The following KLC1 variants were observed in gnomAD, a reference collection of about 807,000 sequenced individuals.
The protein encoded by KLC1 is kinesin light chain 1.
Under a neutral mutation model 84.2 loss-of-function variants are expected in KLC1, and 30 were observed. The ratio of observed to expected loss-of-function variants is 0.36; its 90% CI spans 0.27 to 0.48. KLC1 has a LOEUF of 0.48. Ranked by LOEUF, KLC1 falls within the 20% of genes least tolerant of loss-of-function variation. The pLI, the probability that KLC1 is intolerant of heterozygous loss-of-function variation, is 0.99. For synonymous variants in KLC1, 289 were observed against 293.3 expected, an observed-to-expected ratio of 0.99 and a Z score of 0.15; for missense variants, 499 against 805.4, an observed-to-expected ratio of 0.62 and a Z score of 4.60.
chr14:103,687,014 C>T (rs545017166), intron 13 of KLC1, 67 bp from the exon 14 acceptor site: 54 of 1,368,886 alleles, frequency 3.9e-5, no homozygotes, highest in East Asian at 1.4e-4. Context: ...TATTTGCACC[C>T]GGTGTGGCTC....
At chr14:103,689,773 A>G (rs2081982717) in intron 14 of KLC1, among the ~76,000 whole-genome samples, 1 of 152,232 alleles carries the variant, frequency 6.6e-6, no homozygotes, top group South Asian at 2.1e-4. Context: ...TTTGAATGCC[A>G]CGTGTTCAAA....
At chr14:103,679,141 A>C (rs1174001376) in intron 12 of KLC1, among the ~76,000 whole-genome samples, 5 of 152,274 alleles carry the variant, frequency 3.3e-5, no homozygotes, top group Middle Eastern at 3.4e-3. Context: ...GACCCAGAAT[A>C]GTTGAACACG....
chr14:103,636,846 TG>T (rs2077082263), intron 1 of KLC1, among the ~76,000 whole-genome samples: 1 of 151,822 alleles, frequency 6.6e-6, no homozygotes, highest in Non-Finnish European at 1.5e-5. Context: ...CCTCAGCCTC[TG>T]GAGTAGCTGG....
At chr14:103,700,574 T>C in intron 15 of KLC1, 81 bp from the exon 16 acceptor site, 3 of 1,136,204 alleles carry the variant, frequency 2.6e-6, no homozygotes, top group Non-Finnish European at 2.6e-6. Context: ...AGCCACACGC[T>C]GGTGTCACGC....
chr14:103,701,305 C>A lies in KLC1; in HGVS notation c.*106C>A. Reference sequence around the variant, plus strand: ...GAGGGCCCCTGGCCGGGAGCCGCAGCGCTCACTCATTTCTCCTGCGTCTGT... The same window carrying A: ...GAGGGCCCCTGGCCGGGAGCCGCAGAGCTCACTCATTTCTCCTGCGTCTGT... On this transcript the variant is annotated 3_prime_UTR_variant, in exon 17 of 17. Coordinates refer to ENST00000334553, the MANE Select transcript of KLC1 (RefSeq NM_001394837.1). 8.1e-7 allele frequency: 1 copy of A among 1,231,954 alleles called. No individual in the cohort carries two copies. The highest frequency in any genetic ancestry group is 1.1e-6 in the Non-Finnish European group (1 of 872,270). 76.3% of individuals were successfully genotyped at this position (1,231,954 alleles called of 1,614,324 possible).
chr14:103,683,747 C>T (rs1242765334), intron 13 of KLC1: 3 of 152,278 alleles, frequency 2.0e-5, no homozygotes, highest in African/African-American at 7.2e-5. Context: ...CTGAAGCAGC[C>T]TCTCTCCGTC....
intron 15 of KLC1, chr14:103,696,093 C>CGGGGGCG: frequency 7.7e-6 from 1 of 129,320 alleles, no homozygotes; most frequent in Non-Finnish European, 9.2e-6. Flanking sequence ...AATCACTGCG[C>CGGGGGCG]CCCCGCCCCC....
At chr14:103,638,838 G>C (rs910985952) in intron 1 of KLC1, among the ~76,000 whole-genome samples, 1 of 151,854 alleles carries the variant, frequency 6.6e-6, no homozygotes, top group African/African-American at 2.4e-5. Context: ...ATGAACATAG[G>C]GGTGTGTGTG....
chr14:103,639,192 T>G (rs552785906), intron 1 of KLC1, among the ~76,000 whole-genome samples: 12 of 152,314 alleles, frequency 7.9e-5, no homozygotes, highest in African/African-American at 2.4e-4. Flanking sequence ...AGATGGAGTC[T>G]TGCTCTGTTG....
chr14:103,679,491 CGA>C lies in KLC1; in HGVS notation c.1600_1601del (p.Ser534TrpfsTer3). Reference sequence around the variant, plus strand: ...GCCTCAACGTGGACGTGGTCAAGTACGAGAGTGGCCCTGACGGAGGGGAGGAA... The same window carrying C: ...GCCTCAACGTGGACGTGGTCAAGTACGAGTGGCCCTGACGGAGGGGAGGAA... ...ESLNVDVVKYESGPDGGEEVS... is the reference protein window; with the variant it reads ...ESLNVDVVKYXSGPDGGEEVS... On this transcript the variant is annotated frameshift_variant, in exon 13 of 17. Coordinates refer to ENST00000334553, the MANE Select transcript of KLC1 (RefSeq NM_001394837.1). LOFTEE classifies it high-confidence loss of function. 6.2e-7 allele frequency: 1 copy of C among 1,613,992 alleles called. No individual in the cohort carries two copies.
In KLC1 at chr14:103,698,576, G is replaced by A. The variant is rs2082775268; in HGVS notation, c.1849-2079G>A. Reference sequence around the variant, plus strand: ...TGGGGACCAGGTACCCAGCAAGCGGGCCTGTCCCCAGACCCAGGGAGAGGC... The same window carrying A: ...TGGGGACCAGGTACCCAGCAAGCGGACCTGTCCCCAGACCCAGGGAGAGGC... On this transcript the variant is annotated intron_variant, in intron 15 of 16. Coordinates refer to ENST00000334553, the MANE Select transcript of KLC1 (RefSeq NM_001394837.1). 21 of 590,176 alleles carry A rather than the reference G, an allele frequency of 3.6e-5. 1 individual carries two copies. The South Asian group carries it at 4.1e-4, about 12-fold the overall frequency. The allele number at this position is 590,176 out of a possible 1,614,324, so 36.6% of individuals were successfully genotyped here.
intron 5 of KLC1, among the ~76,000 whole-genome samples, chr14:103,664,557 T>C (rs566692799): frequency 6.6e-6 from 1 of 152,092 alleles, no homozygotes; most frequent in Non-Finnish European, 1.5e-5. Context: ...TTTTTTGAGA[T>C]AGGGTCTTGC....
chr14:103,677,528 GT>G lies in KLC1; in HGVS notation c.1488+6del, dbSNP rs769062181. ...GCTATGAGGTCTCGTAAACAGGTTA[GT>G]CATACTTCTGTCCTTAACCGGCCCA... On this transcript the variant is annotated splice_donor_region_variant and intron_variant, in intron 12 of 16. Coordinates refer to ENST00000334553, the MANE Select transcript of KLC1 (RefSeq NM_001394837.1). 9.1e-5 allele frequency: 145 copies of G among 1,585,280 alleles called. No homozygotes were observed. The highest frequency in any genetic ancestry group is 1.1e-4 in the Non-Finnish European group (132 of 1,154,226).
At chr14:103,631,881 G>C (rs1015068553) in intron 1 of KLC1, among the ~76,000 whole-genome samples, 1 of 152,126 alleles carries the variant, frequency 6.6e-6, no homozygotes, top group African/African-American at 2.4e-5. Context: ...TTACAGGTGT[G>C]AGCCATTGCA....
At chr14:103,656,312 C>T (rs528820816) in intron 2 of KLC1, among the ~76,000 whole-genome samples, 4 of 152,294 alleles carry the variant, frequency 2.6e-5, no homozygotes, top group Non-Finnish European at 4.4e-5. Context: ...GGGTGATGGT[C>T]TCTGCAATCC....
At position 103,673,328 on chromosome 14, in the gene KLC1, TA is replaced by T; in HGVS notation, c.1162-2del. 1 of 1,576,500 alleles carries T rather than the reference TA, an allele frequency of 6.3e-7. No homozygotes were observed. Among genetic ancestry groups the T allele is most frequent in the Admixed American group, 1.9e-5 (1 of 51,368 alleles). The stretch of plus-strand genomic sequence containing the variant: ...TGAAATATTTTATTTTATTTTATTT[TA>T]AGGCATCCTGCTATTTGAAACAAGG... On this transcript the variant is annotated splice_polypyrimidine_tract_variant and splice_region_variant and intron_variant, in intron 8 of 16. Transcript: ENST00000334553.
Position 103,692,386 on chromosome 14 carries a change from C to T in KLC1, c.1809C>T (p.Val603=). ...TGAAGCGTGCCAGCTCTCTGAATGT[C>T]CTTAACGTGGGTGGCAAGGCTGCTG... The part of the protein sequence containing the change: ...PGMKRASSLN[V]LNVGGKAAED... Residue 603 remains valine (V), a synonymous_variant, in exon 15 of 17, where the codon GTC becomes GTT. Coordinates refer to ENST00000334553, the MANE Select transcript of KLC1 (RefSeq NM_001394837.1). The T allele has an allele frequency of 6.5e-7, 1 of 1,536,684 alleles. No homozygotes were observed. The highest frequency in any genetic ancestry group is 8.7e-7 in the Non-Finnish European group (1 of 1,147,028).
intron 1 of KLC1, among the ~76,000 whole-genome samples, chr14:103,631,964 A>G (rs2076723779): frequency 1.3e-5 from 2 of 152,204 alleles, no homozygotes; most frequent in African/African-American, 2.4e-5. Context: ...GTATTTGGGA[A>G]GATTTAAGTG....
intron 15 of KLC1, chr14:103,699,012 C>T (rs140979846): frequency 1.3e-6 from 2 of 1,586,154 alleles, no homozygotes; most frequent in African/African-American, 2.7e-5. Context: ...ACGTTCGTCC[C>T]AGAACCTGAG....
Sources: gnomAD v4.1 joint callset for allele counts (sites outside exome capture counted in the v4.1 genomes callset) on GRCh38, gnomAD v4.1.1 for gene constraint, MANE v1.5 for transcripts, NCBI Gene and HGNC (gene_info 2026-07-23, HGNC 2026-07-21) for gene names.